Variants in MBOAT1 observed in about 807,000 individuals in gnomAD.
MBOAT1 encodes membrane-bound glycerophospholipid O-acyltransferase 1.
A neutral mutation model predicts 64.4 loss-of-function variants in MBOAT1; 67 were observed. That is an observed-to-expected ratio of 1.04 (90% CI 0.85 to 1.27). The LOEUF (loss-of-function observed/expected upper bound fraction) is 1.27, where lower values mean the gene tolerates loss of function less well. MBOAT1 is among the 50% of genes most tolerant of loss of function. The pLI, the probability that MBOAT1 is intolerant of heterozygous loss-of-function variation, is 0.00. For synonymous variants in MBOAT1, 229 were observed against 218.9 expected (o/e 1.05, Z -0.41); for missense variants, 563 against 604.6 (o/e 0.93, Z 0.72).
At position 20,112,997 on chromosome 6, in the gene MBOAT1, T is replaced by A. The variant is rs1026919837; in HGVS notation, c.1088A>T (p.Gln363Leu). ...CACCGTGGGGTACCATGGAACCCGC[T>A]GATAGCACACACTGTGAAGAGAGGA... ...TATWLKCVCY[Q>L]RVPWYPTVLT... Residue 363 changes from glutamine (Q) to leucine (L), a missense_variant, in exon 11 of 13, where the codon CAG becomes CTG. Physicochemically the swap from Gln to Leu is moderately radical, Grantham distance 113. Transcript: ENST00000324607. 6.2e-6 allele frequency: 10 copies of A among 1,613,750 alleles called. No individual in the cohort carries two copies. Among genetic ancestry groups the A allele is most frequent in the Non-Finnish European group, 8.5e-6 (10 of 1,179,888 alleles).
chr6:20,150,060 T>C (rs543190011), intron 3 of MBOAT1, among the ~76,000 whole-genome samples: 41 of 152,270 alleles, frequency 2.7e-4, no homozygotes, highest in Non-Finnish European at 8.8e-5. Context: ...AGAACTTACA[T>C]TGCAGCATTC....
intron 6 of MBOAT1, among the ~76,000 whole-genome samples, chr6:20,128,011 G>C (rs888463341): frequency 6.6e-6 from 1 of 152,108 alleles, no homozygotes; most frequent in African/African-American, 2.4e-5. Context: ...CAGGAATGAA[G>C]AAGTCAATCT....
chr6:20,152,352 AAT>A (rs1162761704), intron 2 of MBOAT1, among the ~76,000 whole-genome samples: 1,002 of 92,012 alleles, frequency 0.011, 4 homozygotes, highest in South Asian at 0.028. Flanking sequence ...AAAATAAATA[AAT>A]AAATAAATAA....
At chr6:20,176,030 T>A (rs1762333991) in intron 1 of MBOAT1, among the ~76,000 whole-genome samples, 1 of 152,212 alleles carries the variant, frequency 6.6e-6, no homozygotes, top group African/African-American at 2.4e-5. Flanking sequence ...ACGCCTATAA[T>A]CCCAGCACTT....
At chr6:20,130,540 G>A (rs1437186840) in intron 5 of MBOAT1, among the ~76,000 whole-genome samples, 1 of 152,094 alleles carries the variant, frequency 6.6e-6, no homozygotes, top group Non-Finnish European at 1.5e-5. Context: ...TTTTAGTAGA[G>A]ACGGGGGTTT....
At chr6:20,107,885 C>T (rs1039786759) in intron 12 of MBOAT1, among the ~76,000 whole-genome samples, 2 of 151,986 alleles carry the variant, frequency 1.3e-5, no homozygotes. Flanking sequence ...ATTTGGACAG[C>T]CCCTGCAGAC....
intron 1 of MBOAT1, among the ~76,000 whole-genome samples, chr6:20,179,699 C>T (rs1027862119): frequency 7.2e-5 from 11 of 152,132 alleles, no homozygotes; most frequent in East Asian, 5.8e-4. Context: ...CTGGGTCAAA[C>T]GGTATTTTTG....
intron 8 of MBOAT1, among the ~76,000 whole-genome samples, chr6:20,120,097 A>G (rs1470252061): frequency 1.3e-5 from 2 of 151,796 alleles, no homozygotes; most frequent in East Asian, 1.9e-4. Context: ...TCTTCCTAAC[A>G]GTGTTGAGAC....
intron 3 of MBOAT1, among the ~76,000 whole-genome samples, chr6:20,146,917 C>T (rs866663844): frequency 2.0e-5 from 3 of 152,120 alleles, no homozygotes; most frequent in Non-Finnish European, 2.9e-5. Flanking sequence ...GTGTCCCCAC[C>T]GAAATCTCAT....
intron 1 of MBOAT1, among the ~76,000 whole-genome samples, chr6:20,189,142 C>T (rs1022021645): frequency 1.3e-5 from 2 of 152,122 alleles, no homozygotes; most frequent in Non-Finnish European, 2.9e-5. Flanking sequence ...TTTTGCACCC[C>T]CTAAGAATGC....
intron 1 of MBOAT1, among the ~76,000 whole-genome samples, chr6:20,172,226 A>T (rs1762217300): frequency 6.6e-6 from 1 of 152,118 alleles, no homozygotes; most frequent in African/African-American, 2.4e-5. Flanking sequence ...CGAGGTCAGC[A>T]GATTGAGACC....
At chr6:20,124,267 G>A (rs1669436174) in intron 8 of MBOAT1, 141 bp downstream of exon 8, 6 of 758,816 alleles carry the variant, frequency 7.9e-6, no homozygotes, top group East Asian at 2.7e-5. Flanking sequence ...ATGTTGGTAC[G>A]TTAAAACTGA....
At chr6:20,182,261 C>T (rs1762531071) in intron 1 of MBOAT1, among the ~76,000 whole-genome samples, 3 of 152,090 alleles carry the variant, frequency 2.0e-5, no homozygotes, top group Non-Finnish European at 4.4e-5. Context: ...GGGTGAGGAC[C>T]CATTCCTCAT....
At chr6:20,161,382 A>G (rs1176985105) in intron 1 of MBOAT1, among the ~76,000 whole-genome samples, 2 of 152,116 alleles carry the variant, frequency 1.3e-5, no homozygotes. Context: ...GAATAGAAAT[A>G]AAGTGCACAA....
rs1463574803 is a variant in MBOAT1 at position 20,102,225 on chromosome 6, C to G, written c.*61G>C. On this transcript the variant is annotated 3_prime_UTR_variant, in exon 13 of 13. Coordinates refer to ENST00000324607, the MANE Select transcript of MBOAT1 (RefSeq NM_001080480.3). Reference sequence around the variant, plus strand: ...TAAGCCACCGGAGGAGCCCTTGAAGCCTTGTCATCTCATCTTTCGAACGTT... The same window carrying G: ...TAAGCCACCGGAGGAGCCCTTGAAGGCTTGTCATCTCATCTTTCGAACGTT... 50 of 1,569,512 alleles carry G rather than the reference C, an allele frequency of 3.2e-5. 1 individual carries two copies. Among genetic ancestry groups the G allele is most frequent in the East Asian group, 6.9e-5 (3 of 43,410 alleles).
chr6:20,186,502 T>C (rs1468370385), intron 1 of MBOAT1, among the ~76,000 whole-genome samples: 7 of 152,190 alleles, frequency 4.6e-5, no homozygotes, highest in Admixed American at 4.6e-4. Flanking sequence ...TTATGTAGAA[T>C]GGAGAAGAAA....
At chr6:20,111,835 C>CATATATATAT in intron 11 of MBOAT1, among the ~76,000 whole-genome samples, 1,472 of 86,754 alleles carry the variant, frequency 0.017, 137 homozygotes, top group African/African-American at 0.051. Flanking sequence ...CATATATATA[C>CATATATATAT]ACATATATAT....
chr6:20,188,385 A>T (rs1762713847), intron 1 of MBOAT1, among the ~76,000 whole-genome samples: 1 of 152,174 alleles, frequency 6.6e-6, no homozygotes, highest in Admixed American at 6.5e-5. Context: ...CCCTCAGCAC[A>T]TTCCAGGTAG....
chr6:20,190,853 T>G (rs2113755677), intron 1 of MBOAT1, among the ~76,000 whole-genome samples: 1 of 152,298 alleles, frequency 6.6e-6, no homozygotes, highest in Admixed American at 6.5e-5. Context: ...AGCCTCTGCC[T>G]GACCACCACC....
Sources: gnomAD v4.1 joint callset for allele counts (sites outside exome capture counted in the v4.1 genomes callset) on GRCh38, gnomAD v4.1.1 for gene constraint, MANE v1.5 for transcripts, NCBI Gene and HGNC (gene_info 2026-07-23, HGNC 2026-07-21) for gene names.